FAM3B: variants seen among roughly 807,000 people sequenced by gnomAD.
FAM3B encodes the protein FAM3 metabolism regulating signaling molecule B, also known as protein FAM3B.
A neutral mutation model predicts 28.4 loss-of-function variants in FAM3B; 29 were observed. That is an observed-to-expected ratio of 1.02 (90% CI 0.76 to 1.39). FAM3B has a LOEUF of 1.39. FAM3B is among the 40% of genes most tolerant of loss of function. The pLI, the probability that FAM3B is intolerant of heterozygous loss-of-function variation, is 0.00. For synonymous variants in FAM3B, 91 were observed against 103.0 expected, an observed-to-expected ratio of 0.88 and a Z score of 0.71; for missense variants, 266 against 293.9, an observed-to-expected ratio of 0.91 and a Z score of 0.69.
At chr21:41,356,175 T>C (rs2089166113) in intron 7 of FAM3B, among the ~76,000 whole-genome samples, 2 of 152,282 alleles carry the variant, frequency 1.3e-5, no homozygotes, top group South Asian at 2.1e-4. Context: ...TATACTTAAA[T>C]TTATTAAAAT....
chr21:41,311,251 A>AAAAAAAAAAAAAAAAAAATATAT (rs1555866518), intron 1 of FAM3B, among the ~76,000 whole-genome samples: 1 of 35,078 alleles, frequency 2.9e-5, no homozygotes, highest in Non-Finnish European at 4.7e-5. Context: ...AAAAAAAAAA[A>AAAAAAAAAAAAAAAAAAATATAT]ATATATATAT....
chr21:41,331,806 A>G (rs2088907861), intron 2 of FAM3B, among the ~76,000 whole-genome samples: 1 of 152,178 alleles, frequency 6.6e-6, no homozygotes, highest in African/African-American at 2.4e-5. Context: ...CAATTTTGTC[A>G]AATTCTTTTC....
chr21:41,326,211 T>G lies in FAM3B; in HGVS notation c.163+3145T>G, dbSNP rs375853713. ...CTAGATGTGGTTCTCCAGGCAGGGT[T>G]TGGAAAGAGCTGTGTTTTCCCAGGA... On this transcript the variant is annotated intron_variant, in intron 2 of 7. Transcript: ENST00000357985. The surrounding 1 kb of genome is among the most constrained non-coding windows in gnomAD (Gnocchi z 4.0). 2.6e-5 allele frequency among the ~76,000 whole-genome samples: 4 copies of G among 152,298 alleles called. No individual in the cohort carries two copies. Among genetic ancestry groups the G allele is most frequent in the East Asian group, 3.9e-4 (2 of 5,194 alleles).
intron 3 of FAM3B, among the ~76,000 whole-genome samples, chr21:41,342,765 C>G (rs1223823666): frequency 2.0e-5 from 3 of 152,170 alleles, no homozygotes; most frequent in Non-Finnish European, 4.4e-5. Flanking sequence ...TAGTTAAAGT[C>G]TGAGTTGGAT....
chr21:41,311,823 T>G (rs2088715982), upstream of FAM3B, among the ~76,000 whole-genome samples: 1 of 152,208 alleles, frequency 6.6e-6, no homozygotes, highest in African/African-American at 2.4e-5. Flanking sequence ...TTCACACTGC[T>G]GATAAAGACA....
intron 6 of FAM3B, among the ~76,000 whole-genome samples, 155 bp downstream of exon 6, chr21:41,347,255 A>G (rs2089070168): frequency 6.6e-6 from 1 of 152,186 alleles, no homozygotes; most frequent in Non-Finnish European, 1.5e-5. Flanking sequence ...ATGACAAAAT[A>G]GATGGCATTT....
At chr21:41,345,870 G>C in intron 5 of FAM3B, 134 bp downstream of exon 5, 1 of 668,388 alleles carries the variant, frequency 1.5e-6, no homozygotes, top group Non-Finnish European at 2.7e-6. Flanking sequence ...GAGTAATCTA[G>C]AGTGGTCTTA....
rs77911272 is a variant in FAM3B at position 41,339,966 on chromosome 21, G to C, written c.287+1465G>C. 6.8e-3 allele frequency among the ~76,000 whole-genome samples: 1,033 copies of C among 152,272 alleles called. 8 individuals carry two copies. Among genetic ancestry groups the C allele is most frequent in the African/African-American group, 0.022 (924 of 41,562 alleles). On this transcript the variant is annotated intron_variant, in intron 3 of 7. Transcript: ENST00000357985. Reference sequence around the variant, plus strand: ...GCTGAGCCCAAGTACTAAAGCCTCAGAACCAGAGAGGCAGATGGTGTAATT... The same window carrying C: ...GCTGAGCCCAAGTACTAAAGCCTCACAACCAGAGAGGCAGATGGTGTAATT...
intron 1 of FAM3B, among the ~76,000 whole-genome samples, chr21:41,305,500 A>G (rs1255850411): frequency 2.0e-5 from 3 of 148,702 alleles, no homozygotes; most frequent in East Asian, 2.0e-4. Context: ...TGTGCTTAAG[A>G]AAAAAAAACC....
At chr21:41,330,614 TCTC>T (rs546853862) in intron 2 of FAM3B, among the ~76,000 whole-genome samples, 20 of 152,324 alleles carry the variant, frequency 1.3e-4, no homozygotes, top group African/African-American at 4.6e-4. Context: ...TAAGTACCAT[TCTC>T]CTCTCACCAT....
At chr21:41,329,535 C>T (rs540451694) in intron 2 of FAM3B, among the ~76,000 whole-genome samples, 44 of 151,842 alleles carry the variant, frequency 2.9e-4, no homozygotes, top group African/African-American at 6.5e-4. Context: ...AACTTGGATA[C>T]GCCAAAGAGA....
intron 7 of FAM3B, among the ~76,000 whole-genome samples, chr21:41,349,787 C>T (rs939181129): frequency 4.6e-5 from 7 of 152,196 alleles, no homozygotes; most frequent in African/African-American, 1.4e-4. Flanking sequence ...CCTCTAGTCT[C>T]ATGTTCCGGA....
At chr21:41,316,781 G>A, upstream of FAM3B, 1 of 1,243,500 alleles carries the variant, frequency 8.0e-7, no homozygotes, top group Non-Finnish European at 1.0e-6. Flanking sequence ...TGCCCGACAC[G>A]ACCGCTGCCC....
chr21:41,346,000 G>T, intron 5 of FAM3B: 1 of 203,624 alleles, frequency 4.9e-6, no homozygotes, highest in Non-Finnish European at 9.3e-6. Context: ...GATATAATAA[G>T]AAAGAGAAAA....
At chr21:41,307,284 A>G (rs1462768661) in intron 1 of FAM3B, among the ~76,000 whole-genome samples, 2 of 151,932 alleles carry the variant, frequency 1.3e-5, no homozygotes, top group Non-Finnish European at 2.9e-5. Flanking sequence ...CAGCTTCCAC[A>G]CCTCTCAGCC....
intron 3 of FAM3B, 65 bp from the exon 4 acceptor site, chr21:41,344,411 G>C: frequency 6.8e-7 from 1 of 1,476,464 alleles, no homozygotes; most frequent in South Asian, 1.1e-5. Context: ...GTCAGGCGAA[G>C]ACTTCGCGGA....
At chr21:41,309,984 T>C (rs2088700869) in intron 1 of FAM3B, among the ~76,000 whole-genome samples, 1 of 152,230 alleles carries the variant, frequency 6.6e-6, no homozygotes, top group Non-Finnish European at 1.5e-5. Flanking sequence ...TTATGTAGGC[T>C]AAGCTTTCTG....
intron 3 of FAM3B, among the ~76,000 whole-genome samples, chr21:41,342,906 TAA>T (rs1339058229): frequency 6.6e-6 from 1 of 152,210 alleles, no homozygotes; most frequent in Admixed American, 6.5e-5. Flanking sequence ...ACCTGTTTTT[TAA>T]AAAAATTGAG....
chr21:41,308,547 T>C lies in FAM3B; in HGVS notation n.99+4237T>C, dbSNP rs901955660. On this transcript the variant is annotated intron_variant and non_coding_transcript_variant, in intron 1 of 9. Coordinates refer to the FAM3B transcript ENST00000479810. ...TTGTTTTTCTTTTCTTTTTTTTTTT[T>C]TTTTTTTTTGAGACAGAGTTTCACT... Among the ~76,000 whole-genome samples the C allele has an allele frequency of 2.1e-4, 31 of 148,938 alleles. 1 individual carries two copies. Among genetic ancestry groups the C allele is most frequent in the African/African-American group, 5.9e-4 (24 of 40,692 alleles).
Sources: gnomAD v4.1 joint callset for allele counts (sites outside exome capture counted in the v4.1 genomes callset) on GRCh38, gnomAD v4.1.1 for gene constraint, Gnocchi (gnomAD v3.1) non-coding constraint, MANE v1.5 for transcripts, NCBI Gene and HGNC (gene_info 2026-07-23, HGNC 2026-07-21) for gene names.